ASB3: variants seen among roughly 807,000 people sequenced by gnomAD.
The protein encoded by ASB3 is ankyrin repeat and SOCS box containing 3, also known as ankyrin repeat and SOCS box protein 3.
A neutral mutation model predicts 54.5 loss-of-function variants in ASB3; 41 were observed. That is an observed-to-expected ratio of 0.75 (90% CI 0.59 to 0.98). The LOEUF (loss-of-function observed/expected upper bound fraction) is 0.98. ASB3 is among the 50% of genes least tolerant of loss of function. The pLI, the probability that ASB3 is intolerant of heterozygous loss-of-function variation, is 0.00. For missense variants in ASB3, 733 were observed against 620.0 expected, an observed-to-expected ratio of 1.18 and a Z score of -1.94; for synonymous variants, 266 against 221.2, an observed-to-expected ratio of 1.20 and a Z score of -1.80.
At chr2:53,694,352 G>C (rs1215965596) in intron 8 of ASB3, 2 of 193,132 alleles carry the variant, frequency 1.0e-5, no homozygotes, top group Non-Finnish European at 2.1e-5. Flanking sequence ...CTTGCCAAAT[G>C]TAAATTGACC....
chr2:53,735,951 G>A (rs1240438925), intron 3 of ASB3, among the ~76,000 whole-genome samples: 2 of 149,608 alleles, frequency 1.3e-5, no homozygotes, highest in African/African-American at 4.9e-5. Flanking sequence ...AATTTCAGAT[G>A]GATTGCGAAT....
chr2:53,765,200 T>C (rs980122155), intron 2 of ASB3, among the ~76,000 whole-genome samples, 177 bp downstream of exon 2: 1 of 152,216 alleles, frequency 6.6e-6, no homozygotes, highest in South Asian at 2.1e-4. Context: ...TAGAGTATCA[T>C]ACTAATTGAA....
intron 7 of ASB3, among the ~76,000 whole-genome samples, chr2:53,710,299 G>C (rs989451653): frequency 6.6e-6 from 1 of 152,142 alleles, no homozygotes; most frequent in Non-Finnish European, 1.5e-5. Context: ...TTTGGCTATG[G>C]AGTCCATGTA....
chr2:53,780,398 T>C (rs142583997), intron 1 of ASB3, among the ~76,000 whole-genome samples: 2 of 152,198 alleles, frequency 1.3e-5, no homozygotes, highest in African/African-American at 4.8e-5. Context: ...ATAAATAAGA[T>C]AGTCCCCGGC....
chr2:53,702,035 A>G (rs1409463389), intron 7 of ASB3, among the ~76,000 whole-genome samples: 1 of 152,194 alleles, frequency 6.6e-6, no homozygotes, highest in Non-Finnish European at 1.5e-5. Flanking sequence ...CTTATTTAAC[A>G]ATACAACCCC....
At chr2:53,774,379 C>T in intron 1 of ASB3, 4 of 1,613,478 alleles carry the variant, frequency 2.5e-6, no homozygotes, top group Non-Finnish European at 3.4e-6. Context: ...TGCAGCTGGT[C>T]CAAGTGGAAG....
chr2:53,732,148 A>G (rs890452565), intron 3 of ASB3, among the ~76,000 whole-genome samples: 5 of 151,682 alleles, frequency 3.3e-5, no homozygotes, highest in Admixed American at 2.0e-4. Flanking sequence ...TAGTAGAGAC[A>G]AGGTTTCACC....
intron 2 of ASB3, among the ~76,000 whole-genome samples, chr2:53,754,688 G>A (rs768013349): frequency 3.9e-5 from 6 of 152,172 alleles, no homozygotes; most frequent in South Asian, 2.1e-4. Context: ...ACAGTGAAAC[G>A]AGGATAAATT....
intron 2 of ASB3, among the ~76,000 whole-genome samples, chr2:53,764,620 GTGC>G (rs1428967649): frequency 6.6e-6 from 1 of 152,134 alleles, no homozygotes; most frequent in African/African-American, 2.4e-5. Flanking sequence ...ACTCAGTAGT[GTGC>G]TGGTTAACAT....
At chr2:53,688,950 G>A (rs988673732) in intron 9 of ASB3, among the ~76,000 whole-genome samples, 1 of 151,844 alleles carries the variant, frequency 6.6e-6, no homozygotes, top group Non-Finnish European at 1.5e-5. Context: ...AAAAGAAAAA[G>A]GATTTGTGGT....
intron 1 of ASB3, among the ~76,000 whole-genome samples, chr2:53,776,234 A>G (rs1232611909): frequency 6.6e-6 from 1 of 152,192 alleles, no homozygotes; most frequent in African/African-American, 2.4e-5. Flanking sequence ...TCTACTTTAA[A>G]TATCTTCCAA....
At chr2:53,693,856 A>G in intron 9 of ASB3, 28 bp downstream of exon 9, 3 of 1,607,790 alleles carry the variant, frequency 1.9e-6, no homozygotes, top group Admixed American at 1.7e-5. Context: ...AAAGTAGTGA[A>G]GTGTGTTTAA....
At chr2:53,726,647 CACAT>C (rs1210652686) in intron 5 of ASB3, among the ~76,000 whole-genome samples, 1 of 151,136 alleles carries the variant, frequency 6.6e-6, no homozygotes, top group African/African-American at 2.4e-5. Flanking sequence ...TATATATACA[CACAT>C]ATATATACAC....
chr2:53,732,635 A>T (rs1671384326), intron 3 of ASB3, among the ~76,000 whole-genome samples: 1 of 152,214 alleles, frequency 6.6e-6, no homozygotes, highest in Non-Finnish European at 1.5e-5. Context: ...CTTATGATGC[A>T]AGTTATGTTT....
chr2:53,757,267 T>C (rs982040125), intron 2 of ASB3, among the ~76,000 whole-genome samples: 4 of 151,674 alleles, frequency 2.6e-5, no homozygotes, highest in African/African-American at 7.3e-5. Context: ...TGAGGCTATC[T>C]GGGAAAGGGC....
chr2:53,718,994 TA>T (rs1387132794), intron 5 of ASB3, among the ~76,000 whole-genome samples: 1 of 152,116 alleles, frequency 6.6e-6, no homozygotes, highest in African/African-American at 2.4e-5. Flanking sequence ...GATCTCGGCT[TA>T]CTGCAACCTC....
At chr2:53,704,805 A>G (rs1669680816) in intron 7 of ASB3, among the ~76,000 whole-genome samples, 1 of 152,218 alleles carries the variant, frequency 6.6e-6, no homozygotes, top group African/African-American at 2.4e-5. Flanking sequence ...GTCTAAAAAA[A>G]CAAAGATTCT....
chr2:53,776,514 A>T (rs919376882), intron 1 of ASB3, among the ~76,000 whole-genome samples: 2 of 152,140 alleles, frequency 1.3e-5, no homozygotes, highest in African/African-American at 4.8e-5. Context: ...TGGATTTCTA[A>T]AACCTTGAAT....
At chr2:53,681,173 T>C (rs907102339) in intron 9 of ASB3, among the ~76,000 whole-genome samples, 7 of 152,252 alleles carry the variant, frequency 4.6e-5, no homozygotes, top group African/African-American at 9.6e-5. Flanking sequence ...CTACTGTGAA[T>C]AGTGCTGCAA....
Sources: allele counts gnomAD v4.1 joint callset (sites outside exome capture counted in the v4.1 genomes callset), GRCh38; gene constraint gnomAD v4.1.1; transcripts MANE v1.5; gene names NCBI Gene and HGNC (gene_info 2026-07-23, HGNC 2026-07-21).